Variants in HERC3 observed in about 807,000 individuals in gnomAD.
HERC3 encodes HECT and RLD domain containing E3 ubiquitin protein ligase 3.
Under a neutral mutation model 129.9 loss-of-function variants are expected in HERC3, and 58 were observed. That is an observed-to-expected ratio of 0.45 (90% CI 0.36 to 0.56). The LOEUF (loss-of-function observed/expected upper bound fraction) is 0.56. HERC3 is among the 20% of genes least tolerant of loss of function. The pLI is 0.00. For synonymous variants in HERC3, 430 were observed against 451.0 expected (o/e 0.95, Z 0.59); for missense variants, 835 against 1,244.2 (o/e 0.67, Z 4.95).
rs1735571933 is a variant in HERC3 at position 88,704,274 on chromosome 4, T to C, written c.2834T>C (p.Leu945Pro). 6.2e-7 allele frequency: 1 copy of C among 1,613,900 alleles called. No homozygotes were observed. The highest frequency in any genetic ancestry group is 1.3e-5 in the African/African-American group (1 of 74,906). The change falls in exon 24 of 26, where the codon CTG becomes CCG. Residue 945 changes from leucine to proline, a missense_variant. Physicochemically the swap from Leu to Pro is moderately conservative, Grantham distance 98. Coordinates refer to ENST00000402738, the MANE Select transcript of HERC3 (RefSeq NM_014606.3). The stretch of plus-strand genomic sequence containing the variant: ...AACAGCAACTACAACTGGGAAGAAC[T>C]GGAAGAGGTAAGCACAAAAGATCCT... The part of the protein sequence containing the change: ...VGNSNYNWEE[L>P]EETAIYKGDY...
chr4:88,538,594 A>T, the HERC3 span, among the ~76,000 whole-genome samples: 2 of 143,108 alleles, frequency 1.4e-5, no homozygotes, highest in Admixed American at 1.5e-4. Flanking sequence ...CCCAGGCTGG[A>T]GTGCAGTGGT....
chr4:88,678,733 A>G (rs1012223350), intron 19 of HERC3, among the ~76,000 whole-genome samples: 36 of 152,228 alleles, frequency 2.4e-4, no homozygotes, highest in Admixed American at 1.8e-3. Context: ...GACAACTTCC[A>G]TATCCCTATT....
At chr4:88,533,908 C>T in the HERC3 span, among the ~76,000 whole-genome samples, 1 of 152,158 alleles carries the variant, frequency 6.6e-6, no homozygotes, top group African/African-American at 2.4e-5. Context: ...TTTTAAAGTG[C>T]TATGTACCTT....
chr4:88,559,222 C>G, the HERC3 span, among the ~76,000 whole-genome samples: 3 of 152,142 alleles, frequency 2.0e-5, no homozygotes, highest in South Asian at 2.1e-4. Flanking sequence ...TAATGGAACA[C>G]TAGGCATAAA....
intron 2 of HERC3, among the ~76,000 whole-genome samples, chr4:88,603,406 C>T (rs1159610938): frequency 6.6e-6 from 1 of 152,048 alleles, no homozygotes; most frequent in African/African-American, 2.4e-5. Flanking sequence ...TGCGGTTTCA[C>T]CATGTTGGTC....
At position 88,626,740 on chromosome 4, in the gene HERC3, T is replaced by A. The variant is rs561097718; in HGVS notation, c.226+20691T>A. On this transcript the variant is annotated intron_variant, in intron 3 of 25. Coordinates refer to ENST00000402738, the MANE Select transcript of HERC3 (RefSeq NM_014606.3). ...TTGTTTATAATATTCCCTTATCCTCTTAGTGTCTGTAAGATCTGTTTTTCT... is the reference window on the plus strand; with the variant it reads ...TTGTTTATAATATTCCCTTATCCTCATAGTGTCTGTAAGATCTGTTTTTCT... 1.4e-4 allele frequency among the ~76,000 whole-genome samples: 22 copies of A among 152,282 alleles called. No individual in the cohort carries two copies. The South Asian group carries it at 2.5e-3, about 17-fold the overall frequency.
At chr4:88,602,996 A>G (rs573980431) in intron 2 of HERC3, among the ~76,000 whole-genome samples, 2 of 152,276 alleles carry the variant, frequency 1.3e-5, no homozygotes, top group Admixed American at 1.3e-4. Flanking sequence ...GCTTGGCAAA[A>G]TACAGTTATT....
In HERC3 at chr4:88,668,100, A is replaced by C. The variant is rs368473209; in HGVS notation, c.1633+19A>C. 5 of 1,594,610 alleles carry C rather than the reference A, an allele frequency of 3.1e-6. No individual in the cohort carries two copies. Among genetic ancestry groups the C allele is most frequent in the Non-Finnish European group, 4.3e-6 (5 of 1,164,240 alleles). On this transcript the variant is annotated intron_variant, in intron 14 of 25. Transcript: ENST00000402738. Reference sequence around the variant, plus strand: ...GTACTAGGTGAATTTGCTAACCTCGATATCAGTGGTTTTATGGTCATTTGT... The same window carrying C: ...GTACTAGGTGAATTTGCTAACCTCGCTATCAGTGGTTTTATGGTCATTTGT...
rs781227411 is a variant in HERC3 at position 88,704,611 on chromosome 4, G to GT, written c.2944+2dup. The GT allele has an allele frequency of 2.7e-6, 4 of 1,502,648 alleles. No individual in the cohort carries two copies. The South Asian group carries it at 4.5e-5, about 17-fold the overall frequency. The allele number at this position is 1,502,648 out of a possible 1,614,324, so 93.1% of individuals were successfully genotyped here. The stretch of plus-strand genomic sequence containing the variant: ...TTGGAAAAGAAGAAGAAGTTTCTCT[G>GT]TAAGTATCAGTAATCTCAATATGGT... On this transcript the variant is annotated splice_donor_variant, in intron 25 of 25. Coordinates refer to ENST00000402738, the MANE Select transcript of HERC3 (RefSeq NM_014606.3). LOFTEE classifies it high-confidence loss of function.
intron 1 of HERC3, 128 bp downstream of exon 1, chr4:88,592,702 TG>T (rs909240863): frequency 6.6e-6 from 1 of 152,436 alleles, no homozygotes; most frequent in Admixed American, 6.5e-5. Context: ...GCTCCTCCCG[TG>T]GCTCCGGCGG....
chr4:88,610,324 G>A (rs560503210), intron 3 of HERC3, among the ~76,000 whole-genome samples: 2 of 152,000 alleles, frequency 1.3e-5, no homozygotes, highest in South Asian at 2.1e-4. Flanking sequence ...ATGGTGGCGC[G>A]TGCCTGTAAT....
intron 4 of HERC3, among the ~76,000 whole-genome samples, chr4:88,651,338 A>G (rs1484703125): frequency 1.3e-5 from 2 of 152,348 alleles, no homozygotes; most frequent in South Asian, 2.1e-4. Context: ...ATTGAAATAA[A>G]TTCACTAATT....
intron 3 of HERC3, among the ~76,000 whole-genome samples, chr4:88,620,081 A>G (rs991955099): frequency 2.6e-5 from 4 of 152,248 alleles, no homozygotes; most frequent in African/African-American, 7.2e-5. Context: ...GCAAATAAAA[A>G]TGTTAATATA....
At chr4:88,602,441 T>A (rs1723111621) in intron 2 of HERC3, among the ~76,000 whole-genome samples, 2 of 149,444 alleles carry the variant, frequency 1.3e-5, no homozygotes, top group Non-Finnish European at 3.0e-5. Flanking sequence ...GTTTGGAAAC[T>A]GAAATGTAAT....
chr4:88,707,476 G>A lies in HERC3; in HGVS notation c.*516G>A, dbSNP rs1313206379. Reference sequence around the variant, plus strand: ...TGTTGCAGCCCTCCTTTAACCCAAAGGAGGAAAGGACTGCTTCAGAAACTC... The same window carrying A: ...TGTTGCAGCCCTCCTTTAACCCAAAAGAGGAAAGGACTGCTTCAGAAACTC... On this transcript the variant is annotated 3_prime_UTR_variant, in exon 26 of 26. Coordinates refer to ENST00000402738, the MANE Select transcript of HERC3 (RefSeq NM_014606.3). 2 of 153,086 alleles carry A rather than the reference G, an allele frequency of 1.3e-5. No homozygotes were observed. The highest frequency in any genetic ancestry group is 4.8e-5 in the African/African-American group (2 of 41,444). 9.5% of individuals were successfully genotyped at this position (153,086 alleles called of 1,614,324 possible).
chr4:88,645,731 A>G (rs1003432835), intron 3 of HERC3, among the ~76,000 whole-genome samples: 5 of 152,160 alleles, frequency 3.3e-5, no homozygotes, highest in African/African-American at 1.2e-4. Context: ...TCATCACATG[A>G]CTCAGAATGG....
At chr4:88,604,899 G>A (rs564849430) in intron 2 of HERC3, among the ~76,000 whole-genome samples, 1 of 152,270 alleles carries the variant, frequency 6.6e-6, no homozygotes, top group East Asian at 1.9e-4. Flanking sequence ...AACACTTGTT[G>A]TTACCTGGCC....
At chr4:88,590,612 G>A (rs1721649714), upstream of HERC3, among the ~76,000 whole-genome samples, 1 of 152,104 alleles carries the variant, frequency 6.6e-6, no homozygotes, top group Non-Finnish European at 1.5e-5. Context: ...TTGAGCCATG[G>A]GCCAGACATA....
At chr4:88,701,692 TCCATTCC>T (rs1735331998) in intron 23 of HERC3, among the ~76,000 whole-genome samples, 1 of 152,150 alleles carries the variant, frequency 6.6e-6, no homozygotes, top group Admixed American at 6.5e-5. Context: ...TACCCTTAAT[TCCATTCC>T]CCTCTTCCCG....
Sources: gnomAD v4.1 joint callset for allele counts (sites outside exome capture counted in the v4.1 genomes callset) on GRCh38, gnomAD v4.1.1 for gene constraint, MANE v1.5 for transcripts, NCBI Gene and HGNC (gene_info 2026-07-23, HGNC 2026-07-21) for gene names.